CBR3: variants seen among roughly 807,000 people sequenced by gnomAD.
The protein encoded by CBR3 is carbonyl reductase [NADPH] 3.
CBR3 carries 14 observed loss-of-function variants against 11.6 expected under a neutral mutation model. The ratio of observed to expected loss-of-function variants is 1.20; its 90% CI spans 0.79 to 1.88. The LOEUF is 1.88. Among genes scored for constraint, CBR3 ranks in the 40% most tolerant of loss-of-function variants. CBR3 has a pLI of 0.00. For synonymous variants in CBR3, 125 were observed against 145.6 expected, an observed-to-expected ratio of 0.86 and a Z score of 1.02; for missense variants, 308 against 357.3, an observed-to-expected ratio of 0.86 and a Z score of 1.11.
intron 1 of CBR3, 38 bp from the exon 2 acceptor site, chr21:36,137,787 A>T (rs766589206): frequency 8.1e-7 from 1 of 1,232,590 alleles, no homozygotes; most frequent in South Asian, 1.2e-5. Context: ...CAGGGGGAAA[A>T]ATATGACTTT....
At chr21:36,142,431 C>CAAAAA (rs71326645) in intron 2 of CBR3, among the ~76,000 whole-genome samples, 11 of 40,394 alleles carry the variant, frequency 2.7e-4, no homozygotes, top group African/African-American at 1.1e-3. Context: ...GACTCCATCT[C>CAAAAA]AAAAAAAAAA....
intron 2 of CBR3, among the ~76,000 whole-genome samples, chr21:36,142,292 C>G (rs903811569): frequency 1.3e-5 from 2 of 151,802 alleles, no homozygotes; most frequent in African/African-American, 4.8e-5. Context: ...ATTAGCCAGG[C>G]ATGGTGGCAG....
chr21:36,143,073 G>A (rs1197623971), intron 2 of CBR3, among the ~76,000 whole-genome samples: 5 of 152,128 alleles, frequency 3.3e-5, no homozygotes, highest in Non-Finnish European at 7.4e-5. Context: ...GGGAGGCCGA[G>A]GAAGGCAGAG....
rs2123332733 is a variant in CBR3 at position 36,135,239 on chromosome 21, G to A, written c.47G>A (p.Gly16Asp). 6.4e-7 allele frequency: 1 copy of A among 1,565,564 alleles called. No homozygotes were observed. The highest frequency in any genetic ancestry group is 8.6e-7 in the Non-Finnish European group (1 of 1,157,636). ...GCGCTGGTGACCGGGGCCAACAGGG[G>A]CATCGGCTTGGCCATCGCGCGCGAA... ...RVALVTGANR[G>D]IGLAIARELC... The change falls in exon 1 of 3, where the codon GGC becomes GAC. Residue 16 changes from glycine (G) to aspartate (D), a missense_variant. Transcript: ENST00000290354.
chr21:36,144,800 A>G (rs928895550), intron 2 of CBR3, among the ~76,000 whole-genome samples: 5 of 143,094 alleles, frequency 3.5e-5, no homozygotes, highest in Non-Finnish European at 6.1e-5. Flanking sequence ...TCTGTCTCAC[A>G]AAACAAAATA....
chr21:36,137,914 C>A lies in CBR3; in HGVS notation c.379C>A (p.Pro127Thr). Residue 127 changes from proline (P) to threonine (T), a missense_variant, in exon 2 of 3, where the codon CCG (proline) becomes ACG (threonine). By Grantham distance (38) the Pro-to-Thr change is conservative. Transcript: ENST00000290354. ...TAGAAACATGTGCAACGAGTTACTG[C>A]CGATAATGAAACCTCATGGTAAGCC... The part of the protein sequence containing the change: ...ATRNMCNELL[P>T]IMKPHGRVVN... 6.2e-7 allele frequency: 1 copy of A among 1,601,846 alleles called. No individual in the cohort carries two copies. Among genetic ancestry groups the A allele is most frequent in the Non-Finnish European group, 8.6e-7 (1 of 1,169,114 alleles).
At chr21:36,138,744 C>CTTTTTTTTTTTTTTTTT (rs751330163) in intron 2 of CBR3, 17 of 123,172 alleles carry the variant, frequency 1.4e-4, no homozygotes, top group East Asian at 2.2e-4. Context: ...TTTTTCTTTT[C>CTTTTTTTTTTTTTTTTT]TTTTTTTTTT....
rs371424208 is a variant in CBR3 at position 36,136,333 on chromosome 21, A to G, written c.289+852A>G. ...GAAAAAAAAAAAAAAGTTACTACGG[A>G]GAAATAAACAGGCCGGCTTCACCTC... On this transcript the variant is annotated intron_variant, in intron 1 of 2. Coordinates refer to ENST00000290354, the MANE Select transcript of CBR3 (RefSeq NM_001236.4). 1.1e-4 allele frequency among the ~76,000 whole-genome samples: 17 copies of G among 149,354 alleles called. No individual in the cohort carries two copies. The East Asian group carries it at 2.7e-3, about 24-fold the overall frequency.
intron 2 of CBR3, among the ~76,000 whole-genome samples, chr21:36,143,151 A>G (rs2065726730): frequency 6.6e-6 from 1 of 152,020 alleles, no homozygotes; most frequent in South Asian, 2.1e-4. Context: ...CTAAAAATAC[A>G]AAAATTAGCT....
At position 36,135,328 on chromosome 21, in the gene CBR3, G is replaced by C; in HGVS notation, c.136G>C (p.Ala46Pro). 1 of 1,611,782 alleles carries C rather than the reference G, an allele frequency of 6.2e-7. No individual in the cohort carries two copies. Among genetic ancestry groups the C allele is most frequent in the Non-Finnish European group, 8.5e-7 (1 of 1,179,364 alleles). ...TARDVARGQA[A>P]VQQLQAEGLS... ...GCGGGACGTGGCGCGGGGCCAGGCGGCCGTGCAGCAGCTGCAGGCGGAGGG... is the reference window on the plus strand; with the variant it reads ...GCGGGACGTGGCGCGGGGCCAGGCGCCCGTGCAGCAGCTGCAGGCGGAGGG... The change falls in exon 1 of 3, where the codon GCC (alanine) becomes CCC (proline). Residue 46 changes from alanine to proline, a missense_variant. By Grantham distance (27) the Ala-to-Pro change is conservative. Transcript: ENST00000290354.
chr21:36,137,402 G>C (rs1206928330), intron 1 of CBR3: 1 of 159,820 alleles, frequency 6.3e-6, no homozygotes, highest in East Asian at 1.8e-4. Flanking sequence ...CTTGAACCCA[G>C]GAGGTGGAGG....
chr21:36,135,521 C>A, intron 1 of CBR3, 40 bp downstream of exon 1: 1 of 1,541,004 alleles, frequency 6.5e-7, no homozygotes, highest in Non-Finnish European at 8.8e-7. Context: ...TGGAGCGCTC[C>A]GAGGGTGCGG....
intron 2 of CBR3, among the ~76,000 whole-genome samples, chr21:36,144,826 A>G (rs112033121): frequency 6.1e-4 from 85 of 139,192 alleles, no homozygotes; most frequent in East Asian, 1.6e-3. Context: ...ATTTTAGGCC[A>G]GGTGTAGTGG....
chr21:36,142,431 C>CAAAAAAAAAAAAAAAAAAA lies in CBR3; in HGVS notation c.398-3628_398-3627insAAAAAAAAAAAAAAAAAAA, dbSNP rs71326645. ...TAGGTGACAGAGCGAGACTCCATCTCAAAAAAAAAAAAAAAAACGCAATCC... is the reference window on the plus strand; with the variant it reads ...TAGGTGACAGAGCGAGACTCCATCTCAAAAAAAAAAAAAAAAAAAAAAAAAAAAAAAAAAAACGCAATCC... On this transcript the variant is annotated intron_variant, in intron 2 of 2. Coordinates refer to ENST00000290354, the MANE Select transcript of CBR3 (RefSeq NM_001236.4). Among the ~76,000 whole-genome samples, 22 of 40,384 alleles carry CAAAAAAAAAAAAAAAAAAA rather than the reference C, an allele frequency of 5.4e-4. 1 individual carries two copies. The highest frequency in any genetic ancestry group is 1.4e-3 in the South Asian group (1 of 740). The allele number at this position is 40,384 out of a possible 152,430, so 26.5% of individuals were successfully genotyped here.
At chr21:36,138,988 AC>A in intron 2 of CBR3, 1 of 152,044 alleles carries the variant, frequency 6.6e-6, no homozygotes, top group Non-Finnish European at 1.5e-5. Flanking sequence ...CAAGTGATCC[AC>A]CCACCTCTGC....
chr21:36,140,312 A>G (rs2065698982), intron 2 of CBR3, among the ~76,000 whole-genome samples: 2 of 151,940 alleles, frequency 1.3e-5, no homozygotes, highest in South Asian at 4.2e-4. Context: ...AAGGGGATGG[A>G]GTTTCTAAAT....
At chr21:36,142,349 A>C (rs1029474778) in intron 2 of CBR3, among the ~76,000 whole-genome samples, 10 of 141,000 alleles carry the variant, frequency 7.1e-5, no homozygotes, top group Admixed American at 2.3e-4. Flanking sequence ...GGAGAATGGC[A>C]TGAACCCGGG....
intron 2 of CBR3, chr21:36,142,116 T>C (rs2065713917): frequency 6.3e-6 from 1 of 158,190 alleles, no homozygotes; most frequent in South Asian, 2.0e-4. Context: ...CATTAAAATA[T>C]ATGAAAGAGA....
intron 2 of CBR3, among the ~76,000 whole-genome samples, chr21:36,142,400 C>T (rs1332893090): frequency 1.7e-5 from 2 of 114,474 alleles, no homozygotes; most frequent in Admixed American, 1.3e-4. Context: ...CCACTGCACT[C>T]CAGCCTAGGT....
Sources: allele counts gnomAD v4.1 joint callset (sites outside exome capture counted in the v4.1 genomes callset), GRCh38; gene constraint gnomAD v4.1.1; transcripts MANE v1.5; gene names NCBI Gene and HGNC (gene_info 2026-07-23, HGNC 2026-07-21).